Variants in PCDH15 observed in about 807,000 individuals in gnomAD.
PCDH15 encodes the protein protocadherin-15.
PCDH15 carries 129 observed loss-of-function variants against 178.5 expected under a neutral mutation model. That is an observed-to-expected ratio of 0.72 (90% CI 0.63 to 0.84). The LOEUF is 0.84. Among genes scored for constraint, PCDH15 ranks in the 40% least tolerant of loss-of-function variants. PCDH15 has a pLI of 0.00. For synonymous variants in PCDH15, 800 were observed against 732.0 expected, an observed-to-expected ratio of 1.09 and a Z score of -1.50; for missense variants, 2,230 against 2,099.9, an observed-to-expected ratio of 1.06 and a Z score of -1.21.
At chr10:54,080,628 T>G (rs932407359) in intron 16 of PCDH15, among the ~76,000 whole-genome samples, 1 of 152,180 alleles carries the variant, frequency 6.6e-6, no homozygotes, top group Non-Finnish European at 1.5e-5. Flanking sequence ...TCAAAGCCGA[T>G]GAATCAAAAT....
chr10:55,061,393 A>T (rs1442789420), intron 2 of PCDH15, among the ~76,000 whole-genome samples: 2 of 152,312 alleles, frequency 1.3e-5, no homozygotes, highest in African/African-American at 4.8e-5. Flanking sequence ...GTCAAAACCC[A>T]GAACATTGAT....
intron 3 of PCDH15, among the ~76,000 whole-genome samples, chr10:54,414,335 CA>C (rs1954002510): frequency 1.3e-5 from 2 of 151,970 alleles, no homozygotes; most frequent in African/African-American, 4.8e-5. Flanking sequence ...TAATTCCAAT[CA>C]AACATTTTTG....
chr10:54,941,067 T>C lies in PCDH15; in HGVS notation c.-79-43567A>G, dbSNP rs140686873. 5.0e-3 allele frequency among the ~76,000 whole-genome samples: 757 copies of C among 152,232 alleles called. 3 individuals are homozygous for C. Among genetic ancestry groups the C allele is most frequent in the Middle Eastern group, 0.01 (3 of 294 alleles). On this transcript the variant is annotated intron_variant, in intron 2 of 5. Coordinates refer to the PCDH15 transcript ENST00000458638. ...TTCCATTTTATTTTTGTGTTTTCTG[T>C]ATGCTTTTTTGGGTCTTGTGTTCTT...
At chr10:55,484,165 G>T (rs2132121365) in intron 2 of PCDH15, among the ~76,000 whole-genome samples, 1 of 151,624 alleles carries the variant, frequency 6.6e-6, no homozygotes, top group Middle Eastern at 3.4e-3. Context: ...AGTAGGGAGA[G>T]GTTCAGGAAA....
chr10:54,770,915 A>C (rs1451524508), intron 1 of PCDH15, among the ~76,000 whole-genome samples: 1 of 152,032 alleles, frequency 6.6e-6, no homozygotes, highest in Non-Finnish European at 1.5e-5. Context: ...TTTTAATGAT[A>C]ATTTTTAGAT....
intron 2 of PCDH15, among the ~76,000 whole-genome samples, chr10:55,391,748 A>T (rs1837798555): frequency 6.6e-6 from 1 of 152,122 alleles, no homozygotes; most frequent in Non-Finnish European, 1.5e-5. Context: ...AGCCTCCCAA[A>T]GTGCTGGGAT....
chr10:54,518,899 G>C (rs1429260683), intron 3 of PCDH15, among the ~76,000 whole-genome samples: 3 of 152,106 alleles, frequency 2.0e-5, no homozygotes, highest in African/African-American at 7.2e-5. Flanking sequence ...ATGCAAGGCT[G>C]GTTCAATATA....
chr10:55,619,629 AAAGT>A (rs1843548310), intron 2 of PCDH15, among the ~76,000 whole-genome samples: 1 of 152,080 alleles, frequency 6.6e-6, no homozygotes, highest in African/African-American at 2.4e-5. Context: ...TAATGTACTT[AAAGT>A]AATAACTGGC....
chr10:54,089,687 C>T (rs1465273778), intron 16 of PCDH15, among the ~76,000 whole-genome samples: 2 of 152,124 alleles, frequency 1.3e-5, no homozygotes, highest in African/African-American at 4.8e-5. Flanking sequence ...GTAGTAATGT[C>T]CTTGTCATTA....
chr10:54,699,864 T>C (rs1014926566), intron 1 of PCDH15, among the ~76,000 whole-genome samples: 10 of 152,134 alleles, frequency 6.6e-5, no homozygotes, highest in African/African-American at 2.2e-4. Flanking sequence ...TGGTAAGTTA[T>C]GCATTGCATA....
At chr10:54,893,938 T>G (rs974908850) in intron 3 of PCDH15, among the ~76,000 whole-genome samples, 13 of 152,122 alleles carry the variant, frequency 8.5e-5, no homozygotes, top group African/African-American at 2.9e-4. Context: ...GTAGCCTTGC[T>G]TGTCTAATCA....
intron 3 of PCDH15, among the ~76,000 whole-genome samples, chr10:54,885,611 A>G (rs370091965): frequency 5.4e-4 from 83 of 152,298 alleles, no homozygotes; most frequent in African/African-American, 1.9e-3. Context: ...GTAGTAATCA[A>G]TATGAAAATA....
intron 2 of PCDH15, among the ~76,000 whole-genome samples, chr10:55,530,872 G>T (rs1841437142): frequency 6.6e-6 from 1 of 151,922 alleles, no homozygotes; most frequent in Non-Finnish European, 1.5e-5. Flanking sequence ...GGAGCTGATG[G>T]TTCTTATAGC....
intron 1 of PCDH15, among the ~76,000 whole-genome samples, chr10:54,735,361 A>G (rs1318642645): frequency 6.6e-6 from 1 of 152,062 alleles, no homozygotes; most frequent in Admixed American, 6.6e-5. Flanking sequence ...TTTGATTTGC[A>G]TTTCTCTGAT....
intron 2 of PCDH15, among the ~76,000 whole-genome samples, chr10:55,017,264 T>C (rs10763170): frequency 0.53 from 79,868 of 151,866 alleles, 22,054 homozygotes; most frequent in East Asian, 0.75. Context: ...ATTCCAAACC[T>C]AAATTAATTA....
At chr10:54,165,259 G>A (rs1042267083) in intron 13 of PCDH15, among the ~76,000 whole-genome samples, 1 of 152,046 alleles carries the variant, frequency 6.6e-6, no homozygotes, top group African/African-American at 2.4e-5. Context: ...AAGATGATGG[G>A]CACCTCAGTA....
intron 1 of PCDH15, among the ~76,000 whole-genome samples, chr10:54,764,624 C>T (rs903276701): frequency 6.6e-6 from 1 of 151,962 alleles, no homozygotes; most frequent in African/African-American, 2.4e-5. Flanking sequence ...ATAGGGTAAA[C>T]CTCATGACCT....
chr10:54,251,932 G>A (rs961817684), intron 8 of PCDH15, among the ~76,000 whole-genome samples: 4 of 151,802 alleles, frequency 2.6e-5, no homozygotes, highest in Non-Finnish European at 5.9e-5. Context: ...TAATTTAATA[G>A]TGTTTCTTTT....
At chr10:54,621,683 C>T (rs1221507382) in intron 2 of PCDH15, among the ~76,000 whole-genome samples, 5 of 151,900 alleles carry the variant, frequency 3.3e-5, no homozygotes, top group African/African-American at 4.8e-5. Flanking sequence ...TTCTAAACTC[C>T]TTAGATTTTC....
Sources: allele counts gnomAD v4.1 joint callset (sites outside exome capture counted in the v4.1 genomes callset), GRCh38; gene constraint gnomAD v4.1.1; transcripts MANE v1.5; gene names NCBI Gene and HGNC (gene_info 2026-07-23, HGNC 2026-07-21).